GABBR2: variants seen among roughly 807,000 people sequenced by gnomAD.
GABBR2 encodes G-protein coupled receptor 51.
In GABBR2, 23 loss-of-function variants were observed where a neutral mutation model predicts 105.6. The ratio of observed to expected loss-of-function variants is 0.22; its 90% CI spans 0.16 to 0.31. GABBR2 has a LOEUF of 0.31. Among genes scored for constraint, GABBR2 ranks in the 10% least tolerant of loss-of-function variants. GABBR2 has a pLI of 1.00. For synonymous variants in GABBR2, 478 were observed against 499.7 expected (o/e 0.96, Z 0.58); for missense variants, 734 against 1,245.5 (o/e 0.59, Z 6.18).
intron 1 of GABBR2, among the ~76,000 whole-genome samples, chr9:98,697,188 T>C (rs1373711601): frequency 6.6e-6 from 1 of 152,032 alleles, no homozygotes; most frequent in Non-Finnish European, 1.5e-5. Context: ...ATCTGTAAAA[T>C]GCAGACAATA....
At chr9:98,683,334 C>T (rs1830574407) in intron 1 of GABBR2, among the ~76,000 whole-genome samples, 1 of 152,132 alleles carries the variant, frequency 6.6e-6, no homozygotes, top group African/African-American at 2.4e-5. Flanking sequence ...AACTCCTGAC[C>T]TCAAATGATC....
chr9:98,361,927 T>C (rs540801221), intron 13 of GABBR2, among the ~76,000 whole-genome samples: 14 of 152,360 alleles, frequency 9.2e-5, no homozygotes, highest in African/African-American at 3.1e-4. Context: ...CCTCAGTGCA[T>C]AGAATGACCA....
intron 2 of GABBR2, among the ~76,000 whole-genome samples, chr9:98,576,701 C>T (rs11789308): frequency 0.2 from 30,774 of 152,156 alleles, 3,470 homozygotes; most frequent in African/African-American, 0.31. Flanking sequence ...CAGAAAAATA[C>T]TAAGAACAGT....
In GABBR2 at chr9:98,404,065, G is replaced by GA. The variant is rs34403297; in HGVS notation, c.1297+2015dup. On this transcript the variant is annotated intron_variant, in intron 8 of 18. Coordinates refer to ENST00000259455, the MANE Select transcript of GABBR2 (RefSeq NM_005458.8). ...AAGCTGGTGTTTAAACCTAACGTAT[G>GA]AAAAAAAAAAGGCAATACAATTGGC... Among the ~76,000 whole-genome samples, 391 of 144,814 alleles carry GA rather than the reference G, an allele frequency of 2.7e-3. 3 individuals carry two copies. Among genetic ancestry groups the GA allele is most frequent in the Middle Eastern group, 0.018 (5 of 280 alleles).
At chr9:98,358,807 C>A (rs1447125603) in intron 13 of GABBR2, among the ~76,000 whole-genome samples, 2 of 152,148 alleles carry the variant, frequency 1.3e-5, no homozygotes, top group Non-Finnish European at 2.9e-5. Flanking sequence ...CTGTGTGTAG[C>A]CCCTGAGAGA....
intron 2 of GABBR2, among the ~76,000 whole-genome samples, chr9:98,566,698 T>C (rs1156965479): frequency 6.8e-6 from 1 of 146,936 alleles, no homozygotes; most frequent in Non-Finnish European, 1.5e-5. Context: ...AAATTTAAAT[T>C]AGCTGGGCGT....
At chr9:98,445,499 A>T (rs771020365) in intron 7 of GABBR2, among the ~76,000 whole-genome samples, 3 of 152,268 alleles carry the variant, frequency 2.0e-5, no homozygotes, top group Non-Finnish European at 4.4e-5. Flanking sequence ...AAAGCCTAGG[A>T]CAGGGAATCA....
chr9:98,498,860 G>A (rs905194871), intron 3 of GABBR2, among the ~76,000 whole-genome samples: 5 of 152,222 alleles, frequency 3.3e-5, no homozygotes, highest in African/African-American at 9.6e-5. Flanking sequence ...TGAGCAGCAC[G>A]AGGTGTTGTG....
intron 2 of GABBR2, among the ~76,000 whole-genome samples, chr9:98,559,854 G>C (rs957339): frequency 0.04 from 6,072 of 151,166 alleles, 231 homozygotes; most frequent in African/African-American, 0.094. Context: ...AAAAAAATAA[G>C]GAATGCCTTT....
chr9:98,644,405 T>A (rs1031988933), intron 1 of GABBR2, among the ~76,000 whole-genome samples: 1 of 152,188 alleles, frequency 6.6e-6, no homozygotes, highest in Non-Finnish European at 1.5e-5. Flanking sequence ...GGGTTTAACA[T>A]GGGGACCTTG....
At chr9:98,436,442 T>A (rs11788223) in intron 7 of GABBR2, among the ~76,000 whole-genome samples, 5,872 of 110,228 alleles carry the variant, frequency 0.053, 540 homozygotes, top group Non-Finnish European at 0.079. Context: ...CACAGATCCT[T>A]CAATCATCCA....
chr9:98,655,218 T>C lies in GABBR2; in HGVS notation c.321+53199A>G, dbSNP rs190839660. The stretch of plus-strand genomic sequence containing the variant: ...ATCAAGAGTGAACCCTAATGTACAC[T>C]GTGGACGTTGGGCGATAAGAAAGTA... On this transcript the variant is annotated intron_variant, in intron 1 of 18. Transcript: ENST00000259455. Among the ~76,000 whole-genome samples, 775 of 152,262 alleles carry C rather than the reference T, an allele frequency of 5.1e-3. 3 individuals are homozygous for C. Among genetic ancestry groups the C allele is most frequent in the Non-Finnish European group, 8.1e-3 (552 of 68,010 alleles).
intron 3 of GABBR2, among the ~76,000 whole-genome samples, chr9:98,499,278 G>T (rs1310689108): frequency 6.6e-6 from 1 of 152,174 alleles, no homozygotes; most frequent in Non-Finnish European, 1.5e-5. Context: ...TTTTATAGGT[G>T]GTCAGAACTC....
chr9:98,708,605 C>T lies in GABBR2; in HGVS notation c.133G>A (p.Gly45Ser). The T allele has an allele frequency of 7.1e-7, 1 of 1,411,076 alleles. No individual in the cohort carries two copies. The highest frequency in any genetic ancestry group is 1.6e-5 in the South Asian group (1 of 64,248). The allele number at this position is 1,411,076 out of a possible 1,614,324, so 87.4% of individuals were successfully genotyped here. A position where few individuals can be genotyped will look rare whatever the true frequency, so the allele number is the denominator to read the frequency against. Reference protein sequence around the residue: ...LAPGAWGWARGAPRPPPSSPP... With the variant: ...LAPGAWGWARSAPRPPPSSPP... ...CTGCTGGGCGGCGGCCGGGGGGCGC[C>T]CCGCGCCCAGCCCCAGGCCCCGGGC... The change falls in exon 1 of 19, where the codon GGC becomes AGC. Residue 45 changes from glycine to serine, a missense_variant. By Grantham distance (56) the Gly-to-Ser change is moderately conservative. This residue lies in a region of GABBR2 where 70 missense variants were observed against 73.4 expected (regional missense o/e 0.95). Transcript: ENST00000259455.
intron 1 of GABBR2, among the ~76,000 whole-genome samples, chr9:98,677,988 A>G (rs1349469462): frequency 2.6e-5 from 4 of 152,234 alleles, no homozygotes; most frequent in African/African-American, 9.6e-5. Flanking sequence ...CTAGCTAGCT[A>G]TCTAAGATGT....
chr9:98,428,564 T>C (rs541646257), intron 7 of GABBR2, among the ~76,000 whole-genome samples: 2 of 152,282 alleles, frequency 1.3e-5, no homozygotes, highest in South Asian at 2.1e-4. Context: ...AGAGACCCAC[T>C]TGGCCCCATG....
At chr9:98,389,147 C>T (rs1832134237) in intron 9 of GABBR2, 143 bp from the exon 10 acceptor site, 3 of 639,698 alleles carry the variant, frequency 4.7e-6, no homozygotes, top group Non-Finnish European at 8.0e-6. Context: ...TGAGCCAGAT[C>T]CGGTGGTTGG....
intron 1 of GABBR2, among the ~76,000 whole-genome samples, chr9:98,602,048 C>A (rs1829345836): frequency 6.6e-6 from 1 of 152,018 alleles, no homozygotes; most frequent in Non-Finnish European, 1.5e-5. Context: ...TCACACAGGC[C>A]GGAGTGCAGT....
intron 2 of GABBR2, among the ~76,000 whole-genome samples, chr9:98,544,802 A>G (rs569048468): frequency 2.0e-5 from 3 of 152,336 alleles, no homozygotes; most frequent in Admixed American, 1.3e-4. Context: ...TCATATTCAC[A>G]AAGAGGATCA....
Sources: gnomAD v4.1 joint callset for allele counts (sites outside exome capture counted in the v4.1 genomes callset) on GRCh38, gnomAD v4.1.1 for gene constraint, gnomAD v4.1.1 regional missense constraint, MANE v1.5 for transcripts, NCBI Gene and HGNC (gene_info 2026-07-23, HGNC 2026-07-21) for gene names.